The following MYO5C variants were observed in gnomAD, a reference collection of about 807,000 sequenced individuals.
The protein encoded by MYO5C is myosin VC, also known as unconventional myosin-Vc.
A neutral mutation model predicts 235.7 loss-of-function variants in MYO5C; 194 were observed. The observed-to-expected ratio is 0.82, with a 90% CI of 0.73 to 0.93. MYO5C has a LOEUF of 0.93. Among genes scored for constraint, MYO5C ranks in the 40% least tolerant of loss-of-function variants. The probability of loss-of-function intolerance (pLI) is 0.00; values close to 1 mark genes in which losing one functional copy is unlikely to be tolerated. For synonymous variants in MYO5C, 707 were observed against 754.8 expected (o/e 0.94, Z 1.04); for missense variants, 2,038 against 2,127.2 (o/e 0.96, Z 0.82).
chr15:52,253,242 CA>C lies in MYO5C; in HGVS notation c.1536+74del, dbSNP rs1031441778. On this transcript the variant is annotated intron_variant, in intron 12 of 40. Coordinates refer to ENST00000261839, the MANE Select transcript of MYO5C (RefSeq NM_018728.4). ...ACATCAGGACTTCACAAGCACACTT[CA>C]AAAAAACTGCTTTGCAAAATGCTCA... 7.6e-6 allele frequency: 11 copies of C among 1,438,598 alleles called. No homozygotes were observed. In the Admixed American group the frequency reaches 8.1e-5, roughly 11 times the overall value. The allele number at this position is 1,438,598 out of a possible 1,614,324, so 89.1% of individuals were successfully genotyped here.
At chr15:52,277,154 T>G (rs757039364) in intron 4 of MYO5C, 3 of 531,108 alleles carry the variant, frequency 5.6e-6, no homozygotes, top group Non-Finnish European at 1.2e-5. Context: ...AGAACAGGGC[T>G]TTAGTAATCC....
At position 52,239,800 on chromosome 15, in the gene MYO5C, C is replaced by T. The variant is rs540169997; in HGVS notation, c.2636G>A (p.Arg879Gln). The T allele has an allele frequency of 1.4e-5, 23 of 1,613,846 alleles. No homozygotes were observed. The highest frequency in any genetic ancestry group is 2.2e-5 in the South Asian group (2 of 90,990). ...WLARRRFQSI[R>Q]RFVLNIQLTY... Reference sequence around the variant, plus strand: ...AAGCTGAATATTAAGCACGAATCGTCGGATACTCTGGAATCTGCGTCTGGC... The same window carrying T: ...AAGCTGAATATTAAGCACGAATCGTTGGATACTCTGGAATCTGCGTCTGGC... The change falls in exon 21 of 41, where the codon CGA becomes CAA. Residue 879 changes from arginine to glutamine, a missense_variant. Arg to Gln is a conservative substitution (Grantham distance 43). Transcript: ENST00000261839.
In MYO5C at chr15:52,265,543, G is replaced by GT. The variant is rs11333781; in HGVS notation, c.941-1248dup. ...ACAATTTCAAAACCTACAGTTTTTT[G>GT]TTTTTTTTTTTTTGAGACAAGGTCT... On this transcript the variant is annotated intron_variant, in intron 8 of 40. Coordinates refer to ENST00000261839, the MANE Select transcript of MYO5C (RefSeq NM_018728.4). Among the ~76,000 whole-genome samples the GT allele has an allele frequency of 8.2e-3, 1,178 of 143,080 alleles. 9 individuals carry two copies. Among genetic ancestry groups the GT allele is most frequent in the African/African-American group, 0.021 (827 of 39,254 alleles). 93.9% of individuals were successfully genotyped at this position (143,080 alleles called of 152,430 possible). A position where few individuals can be genotyped will look rare whatever the true frequency, so the allele number is the denominator to read the frequency against.
At chr15:52,239,667 T>C (rs1460310006) in intron 21 of MYO5C, 66 bp downstream of exon 21, 1 of 1,506,830 alleles carries the variant, frequency 6.6e-7, no homozygotes, top group African/African-American at 1.4e-5. Context: ...GCTAAGGAAC[T>C]GCTCCAGAAC....
In MYO5C at chr15:52,223,625, G is replaced by C; in HGVS notation, c.3546C>G (p.His1182Gln). The C allele has an allele frequency of 6.2e-7, 1 of 1,614,080 alleles. No individual in the cohort carries two copies. The highest frequency in any genetic ancestry group is 8.5e-7 in the Non-Finnish European group (1 of 1,180,008). The change falls in exon 29 of 41, where the codon CAC (histidine) becomes CAG (glutamine). Residue 1182 changes from histidine (H) to glutamine (Q), a missense_variant. Coordinates refer to ENST00000261839, the MANE Select transcript of MYO5C (RefSeq NM_018728.4). ...TTTCTTCTCTGAATAACTTCTGCAGGTGGTTGATTTCTTGACTGAGATGCA... is the reference window on the plus strand; with the variant it reads ...TTTCTTCTCTGAATAACTTCTGCAGCTGGTTGATTTCTTGACTGAGATGCA... Reference protein sequence around the residue: ...KVVHLSQEINHLQKLFREEND... With the variant: ...KVVHLSQEINQLQKLFREEND...
intron 1 of MYO5C, among the ~76,000 whole-genome samples, chr15:52,293,506 A>ACTTGC (rs1382348794): frequency 7.2e-5 from 11 of 152,054 alleles, no homozygotes; most frequent in African/African-American, 2.4e-4. Context: ...CAAATACAGA[A>ACTTGC]CTTGCCTGAT....
At position 52,252,774 on chromosome 15, in the gene MYO5C, CA is replaced by C. The variant is rs71425736; in HGVS notation, c.1536+542del. 2.3e-3 allele frequency among the ~76,000 whole-genome samples: 321 copies of C among 140,560 alleles called. 2 individuals are homozygous for C. Among genetic ancestry groups the C allele is most frequent in the Middle Eastern group, 0.011 (3 of 270 alleles). The allele number at this position is 140,560 out of a possible 152,430, so 92.2% of individuals were successfully genotyped here. ...TGGGTGATAGAGCAAGACTCCGTCTCAAAAAAAAAAAAAATCCTTTAACCCC... is the reference window on the plus strand; with the variant it reads ...TGGGTGATAGAGCAAGACTCCGTCTCAAAAAAAAAAAAATCCTTTAACCCC... On this transcript the variant is annotated intron_variant, in intron 12 of 40. Transcript: ENST00000261839.
At chr15:52,204,831 C>G in intron 38 of MYO5C, 34 bp downstream of exon 38, 2 of 1,602,962 alleles carry the variant, frequency 1.2e-6, no homozygotes, top group Non-Finnish European at 8.5e-7. Context: ...TTTCTGCAGG[C>G]CTCTCCGCGT....
Position 52,272,625 on chromosome 15 carries a change from G to C in MYO5C, c.705C>G (p.Ala235=). Residue 235 remains alanine, a synonymous_variant, in exon 6 of 41, where the codon GCC becomes GCG. Coordinates refer to ENST00000261839, the MANE Select transcript of MYO5C (RefSeq NM_018728.4). Reference sequence around the variant, plus strand: ...TCTCCAGGAGGTAAGTGCTCATGTTGGCTCCTATAATTTGATTTTGTTCAT... The same window carrying C: ...TCTCCAGGAGGTAAGTGCTCATGTTCGCTCCTATAATTTGATTTTGTTCAT... ...SFDEQNQIIG[A]NMSTYLLEKS... The C allele has an allele frequency of 1.2e-6, 2 of 1,614,064 alleles. No individual in the cohort carries two copies. The highest frequency in any genetic ancestry group is 1.7e-6 in the Non-Finnish European group (2 of 1,179,976).
intron 7 of MYO5C, among the ~76,000 whole-genome samples, chr15:52,270,666 A>G (rs751044873): frequency 4.0e-5 from 6 of 150,898 alleles, no homozygotes; most frequent in Admixed American, 1.3e-4. Flanking sequence ...TTATATATGT[A>G]TATATATGTA....
chr15:52,203,166 C>T (rs550164120), intron 38 of MYO5C, among the ~76,000 whole-genome samples: 15 of 151,904 alleles, frequency 9.9e-5, no homozygotes, highest in African/African-American at 2.7e-4. Flanking sequence ...CCAAATGATC[C>T]GCCCACCTCG....
intron 21 of MYO5C, among the ~76,000 whole-genome samples, chr15:52,238,377 C>A (rs974122837): frequency 2.6e-5 from 4 of 152,232 alleles, no homozygotes; most frequent in Non-Finnish European, 4.4e-5. Flanking sequence ...CTATTCTGCA[C>A]AAGCTGTGTA....
At chr15:52,198,845 GC>G (rs2035117408) in intron 38 of MYO5C, among the ~76,000 whole-genome samples, 1 of 151,744 alleles carries the variant, frequency 6.6e-6, no homozygotes, top group Non-Finnish European at 1.5e-5. Context: ...CTCCCAAAGT[GC>G]TGGGATTACA....
rs1296891597 is a variant in MYO5C, at chr15:52,249,025, G to A, written c.1663-242C>T. On this transcript the variant is annotated intron_variant, in intron 13 of 40. Transcript: ENST00000261839. The stretch of plus-strand genomic sequence containing the variant: ...CTGATCACTCTGCACTCACCTGTTG[G>A]CTCCCTCTGGCCACAGGGGTCCAGT... 2.6e-5 allele frequency among the ~76,000 whole-genome samples: 4 copies of A among 152,144 alleles called. No homozygotes were observed. The East Asian group carries it at 7.7e-4, about 29-fold the overall frequency.
intron 38 of MYO5C, 62 bp downstream of exon 38, chr15:52,204,803 C>A: frequency 1.3e-6 from 2 of 1,566,128 alleles, no homozygotes; most frequent in Non-Finnish European, 1.7e-6. Flanking sequence ...CGTGGGGCCT[C>A]GGACTTCAAG....
chr15:52,268,236 G>A (rs542918748), intron 8 of MYO5C, among the ~76,000 whole-genome samples: 1 of 152,146 alleles, frequency 6.6e-6, no homozygotes, highest in Admixed American at 6.6e-5. Flanking sequence ...GTATGAATCG[G>A]CGGGACATTT....
chr15:52,207,182 C>T (rs2035339243), intron 36 of MYO5C, among the ~76,000 whole-genome samples: 1 of 150,556 alleles, frequency 6.6e-6, no homozygotes, highest in Non-Finnish European at 1.5e-5. Flanking sequence ...TGGTAAGAGA[C>T]AGAGGTGAAA....
At chr15:52,252,786 A>AAC (rs1301444058) in intron 12 of MYO5C, among the ~76,000 whole-genome samples, 2 of 152,016 alleles carry the variant, frequency 1.3e-5, no homozygotes, top group African/African-American at 4.8e-5. Context: ...AAAAAAAAAA[A>AAC]AATCCTTTAA....
At chr15:52,217,087 T>C (rs1345766052) in intron 32 of MYO5C, among the ~76,000 whole-genome samples, 2 of 152,238 alleles carry the variant, frequency 1.3e-5, no homozygotes, top group Admixed American at 1.3e-4. Context: ...TTTGTGGTCA[T>C]TTGTTACAGC....
Sources: allele counts gnomAD v4.1 joint callset (sites outside exome capture counted in the v4.1 genomes callset), GRCh38; gene constraint gnomAD v4.1.1; transcripts MANE v1.5; gene names NCBI Gene and HGNC (gene_info 2026-07-23, HGNC 2026-07-21).